FCRL5: variants seen among roughly 807,000 people sequenced by gnomAD.
FCRL5 encodes the protein Fc receptor-like protein 5.
A neutral mutation model predicts 92.1 loss-of-function variants in FCRL5; 79 were observed. The observed-to-expected ratio is 0.86, with a 90% CI of 0.72 to 1.03. The LOEUF (loss-of-function observed/expected upper bound fraction) is 1.03, where lower values mean the gene tolerates loss of function less well. Ranked by LOEUF, FCRL5 falls within the 50% of genes least tolerant of loss-of-function variation. The pLI is 0.00. For missense variants in FCRL5, 1,160 were observed against 1,181.1 expected (o/e 0.98, Z 0.26); for synonymous variants, 466 against 469.3 (o/e 0.99, Z 0.09).
chr1:157,532,976 A>G (rs1244964373), intron 8 of FCRL5: 1 of 152,132 alleles, frequency 6.6e-6, no homozygotes, highest in Non-Finnish European at 1.5e-5. Context: ...TTGAATTGAT[A>G]TAAAATTTTC....
At chr1:157,519,585 C>A (rs559675857) in intron 13 of FCRL5, among the ~76,000 whole-genome samples, 158 bp downstream of exon 13, 2 of 152,202 alleles carry the variant, frequency 1.3e-5, no homozygotes, top group South Asian at 2.1e-4. Flanking sequence ...CTGGGAATTG[C>A]CTTAAGATAT....
At chr1:157,541,306 C>G (rs1479861049) in intron 6 of FCRL5, among the ~76,000 whole-genome samples, 1 of 152,220 alleles carries the variant, frequency 6.6e-6, no homozygotes, top group African/African-American at 2.4e-5. Flanking sequence ...TGGCTGCCCC[C>G]CAAACTGGCT....
intron 6 of FCRL5, among the ~76,000 whole-genome samples, chr1:157,541,622 A>G (rs762628993): frequency 9.9e-5 from 15 of 152,200 alleles, no homozygotes; most frequent in Non-Finnish European, 1.6e-4. Context: ...AGTTCTTCCA[A>G]GAAATTTTTT....
At chr1:157,520,889 T>C in intron 11 of FCRL5, 128 bp downstream of exon 11, 2 of 1,135,448 alleles carry the variant, frequency 1.8e-6, no homozygotes, top group Non-Finnish European at 1.2e-6. Context: ...TATAGCAGTT[T>C]AGAGAGCTGC....
rs1241950184 is a variant in FCRL5, at chr1:157,518,409, GA to G, written c.2812+19del. On this transcript the variant is annotated intron_variant, in intron 15 of 16. Transcript: ENST00000361835. ...TCTAAGTTGAGGGTGGGCCAGAACA[GA>G]GACATCCTTGGGTCTTACCTGCATG... 6.2e-7 allele frequency: 1 copy of G among 1,604,980 alleles called. No individual in the cohort carries two copies. The highest frequency in any genetic ancestry group is 1.3e-5 in the African/African-American group (1 of 74,902).
At chr1:157,531,388 G>A (rs1044172300) in intron 8 of FCRL5, among the ~76,000 whole-genome samples, 8 of 152,152 alleles carry the variant, frequency 5.3e-5, no homozygotes, top group South Asian at 2.1e-4. Context: ...AATTAGTACA[G>A]CCACCACAAG....
intron 7 of FCRL5, 68 bp from the exon 8 acceptor site, chr1:157,534,960 G>A: frequency 7.0e-7 from 1 of 1,434,262 alleles, no homozygotes; most frequent in Non-Finnish European, 9.4e-7. Context: ...CACTTGGCCA[G>A]TGCAGATGCC....
At chr1:157,532,228 T>A (rs1027359974) in intron 8 of FCRL5, 11 of 152,128 alleles carry the variant, frequency 7.2e-5, no homozygotes, top group East Asian at 3.8e-4. Context: ...TTTTATTATT[T>A]TTTTTTTGTC....
rs1650166396 is a variant in FCRL5, at chr1:157,521,125, C to G, written c.2407G>C (p.Ala803Pro). ...GCAGTCAGAGAGAGGTTTAAGGACG[C>G]TCCTCCAGAGGGGGACGACCTATTT... ...LGNRSSPSGG[A>P]SLNLSLTAEH... The change falls in exon 11 of 17, where the codon GCG (alanine) becomes CCG (proline). Residue 803 changes from alanine to proline, a missense_variant. Transcript: ENST00000361835. The G allele has an allele frequency of 6.2e-7, 1 of 1,614,182 alleles. No individual in the cohort carries two copies. The highest frequency in any genetic ancestry group is 8.5e-7 in the Non-Finnish European group (1 of 1,180,048).
intron 9 of FCRL5, among the ~76,000 whole-genome samples, chr1:157,525,830 G>A (rs1650403610): frequency 6.6e-6 from 1 of 152,338 alleles, no homozygotes; most frequent in South Asian, 2.1e-4. Context: ...GTTTCACAGA[G>A]GTAGGAACCC....
chr1:157,546,858 G>T, intron 3 of FCRL5, 85 bp downstream of exon 3: 1 of 1,502,430 alleles, frequency 6.7e-7, no homozygotes, highest in Non-Finnish European at 9.0e-7. Flanking sequence ...CTCATGAAGG[G>T]TCTGAGGTAA....
chr1:157,534,397 T>C (rs775827764), intron 8 of FCRL5: 5 of 719,872 alleles, frequency 6.9e-6, no homozygotes, highest in East Asian at 5.4e-5. Flanking sequence ...ATAAATTCAT[T>C]TGGTAAAAGC....
At position 157,515,620 on chromosome 1, in the gene FCRL5, C is replaced by T; in HGVS notation, c.*55G>A. 6.2e-7 allele frequency: 1 copy of T among 1,614,042 alleles called. No individual in the cohort carries two copies. ...TCCCACTTCAATGCTGCTTCTCCCC[C>T]AAGGGGAACTTTGGGGTGCAGAGGC... On this transcript the variant is annotated 3_prime_UTR_variant, in exon 17 of 17. Coordinates refer to ENST00000361835, the MANE Select transcript of FCRL5 (RefSeq NM_031281.3).
In FCRL5 at chr1:157,544,896, C is replaced by T. The variant is rs748883470; in HGVS notation, c.494G>A (p.Arg165His). ...ACAACTTTCCTTATATCCAGTACAG[C>T]GATATGCACCATTGTCCTTGAGACA... ...HACLKDNGAY[R>H]CTGYKESCCP... Residue 165 changes from arginine (R) to histidine (H), a missense_variant, in exon 4 of 17, where the codon CGC (arginine) becomes CAC (histidine). Coordinates refer to ENST00000361835, the MANE Select transcript of FCRL5 (RefSeq NM_031281.3). 1.6e-5 allele frequency: 26 copies of T among 1,613,946 alleles called. No homozygotes were observed. The highest frequency in any genetic ancestry group is 8.3e-5 in the Admixed American group (5 of 60,002).
intron 11 of FCRL5, 74 bp downstream of exon 11, chr1:157,520,943 A>C: frequency 6.7e-7 from 1 of 1,497,024 alleles, no homozygotes; most frequent in South Asian, 1.3e-5. Flanking sequence ...CTGATCAAGC[A>C]CTGTGAGGGT....
At chr1:157,530,358 T>C (rs1650641177) in intron 8 of FCRL5, among the ~76,000 whole-genome samples, 1 of 152,206 alleles carries the variant, frequency 6.6e-6, no homozygotes, top group Non-Finnish European at 1.5e-5. Context: ...GGAAATATAT[T>C]ACCTGATTTT....
At chr1:157,520,667 G>T in intron 11 of FCRL5, 120 bp from the exon 12 acceptor site, 1 of 706,276 alleles carries the variant, frequency 1.4e-6, no homozygotes, top group Non-Finnish European at 2.4e-6. Context: ...CGGCAGCTAA[G>T]CAGGGGCTGG....
At chr1:157,545,288 C>T (rs1169145983) in intron 3 of FCRL5, among the ~76,000 whole-genome samples, 1 of 152,064 alleles carries the variant, frequency 6.6e-6, no homozygotes, top group African/African-American at 2.4e-5. Context: ...AATCACCTAC[C>T]ATCTCACCAC....
chr1:157,547,434 T>C (rs1191100046), intron 2 of FCRL5: 4 of 712,966 alleles, frequency 5.6e-6, no homozygotes, highest in Non-Finnish European at 1.0e-5. Flanking sequence ...ACCAGCAGGA[T>C]TCGCCATCAA....
Sources: gnomAD v4.1 joint callset for allele counts (sites outside exome capture counted in the v4.1 genomes callset) on GRCh38, gnomAD v4.1.1 for gene constraint, MANE v1.5 for transcripts, NCBI Gene and HGNC (gene_info 2026-07-23, HGNC 2026-07-21) for gene names.